The following TMEM63A variants were observed in gnomAD, a reference collection of about 807,000 sequenced individuals.
The protein encoded by TMEM63A is mechanosensitive cation channel TMEM63A.
Under a neutral mutation model 100.6 loss-of-function variants are expected in TMEM63A, and 76 were observed. The observed-to-expected ratio is 0.76, with a 90% CI of 0.63 to 0.91. The LOEUF (loss-of-function observed/expected upper bound fraction) is 0.91. Among genes scored for constraint, TMEM63A ranks in the 40% least tolerant of loss-of-function variants. TMEM63A has a pLI of 0.00. For missense variants in TMEM63A, 876 were observed against 1,008.8 expected, an observed-to-expected ratio of 0.87 and a Z score of 1.78; for synonymous variants, 401 against 401.1, an observed-to-expected ratio of 1.00 and a Z score of 0.00.
At chr1:225,843,356 G>C (rs1311043444), downstream of TMEM63A, among the ~76,000 whole-genome samples, 1 of 152,190 alleles carries the variant, frequency 6.6e-6, no homozygotes, top group Non-Finnish European at 1.5e-5. Flanking sequence ...AGGGTGCTTG[G>C]AAAGGGTGGC....
In TMEM63A at chr1:225,867,830, C is replaced by A. The variant is rs1270296657; in HGVS notation, c.514+58G>T. On this transcript the variant is annotated intron_variant, in intron 7 of 24. Coordinates refer to ENST00000366835, the MANE Select transcript of TMEM63A (RefSeq NM_014698.3). This position sits in a 1 kb window ranked among gnomAD's most constrained non-coding sequence, Gnocchi z 4.6. ...TCTGGTCTACCACAGTGAGCCCTTT[C>A]CCTAGGACTGCCACTCTGCCCCATT... The A allele has an allele frequency of 6.2e-7, 1 of 1,607,108 alleles. No homozygotes were observed. The highest frequency in any genetic ancestry group is 8.5e-7 in the Non-Finnish European group (1 of 1,176,202).
intron 2 of TMEM63A, among the ~76,000 whole-genome samples, chr1:225,878,490 G>C (rs1670924084): frequency 6.6e-6 from 1 of 152,150 alleles, no homozygotes; most frequent in Non-Finnish European, 1.5e-5. Flanking sequence ...TCCAGGCTGG[G>C]TTGTTGACCT....
At position 225,856,938 on chromosome 1, in the gene TMEM63A, G is replaced by C. The variant is rs1168141825; in HGVS notation, c.1457C>G (p.Ser486Cys). 6.2e-7 allele frequency: 1 copy of C among 1,609,062 alleles called. No individual in the cohort carries two copies. Among genetic ancestry groups the C allele is most frequent in the Non-Finnish European group, 8.5e-7 (1 of 1,178,668 alleles). Residue 486 changes from serine to cysteine, a missense_variant, in exon 16 of 25, where the codon TCT becomes TGT. Physicochemically the swap from Ser to Cys is moderately radical, Grantham distance 112. Transcript: ENST00000366835. ...GGTCCAGTGAGACTCCAGCAGTGTAGAGTAGTAGACAATGGAGGGGAGCAG... is the reference window on the plus strand; with the variant it reads ...GGTCCAGTGAGACTCCAGCAGTGTACAGTAGTAGACAATGGAGGGGAGCAG... ...SALLPSIVYY[S>C]TLLESHWTKS...
At chr1:225,856,506 C>T (rs934627447) in intron 17 of TMEM63A, 146 bp downstream of exon 17, 5 of 700,896 alleles carry the variant, frequency 7.1e-6, no homozygotes, top group Non-Finnish European at 1.2e-5. Context: ...AATGACCCAG[C>T]CCTACTGCAC....
Position 225,846,932 on chromosome 1 carries a change from C to T in TMEM63A, c.*7G>A. 7.4e-7 allele frequency: 1 copy of T among 1,358,004 alleles called. No homozygotes were observed. The highest frequency in any genetic ancestry group is 9.8e-7 in the Non-Finnish European group (1 of 1,019,704). 84.1% of individuals were successfully genotyped at this position (1,358,004 alleles called of 1,614,324 possible). ...GTTGTGTCTTTTCAGAGCAGTGAGA[C>T]CTAAAACAGATGGGAAGAAGTCATG... On this transcript the variant is annotated splice_region_variant and 3_prime_UTR_variant, in exon 25 of 25. Transcript: ENST00000366835.
Position 225,865,821 on chromosome 1 carries a change from G to T in TMEM63A, c.746+76C>A. 6.7e-7 allele frequency: 1 copy of T among 1,496,610 alleles called. No homozygotes were observed. Among genetic ancestry groups the T allele is most frequent in the Non-Finnish European group, 9.2e-7 (1 of 1,085,084 alleles). 92.7% of individuals were successfully genotyped at this position (1,496,610 alleles called of 1,614,324 possible). On this transcript the variant is annotated intron_variant, in intron 10 of 24. Coordinates refer to ENST00000366835, the MANE Select transcript of TMEM63A (RefSeq NM_014698.3). This position sits in a 1 kb window ranked among gnomAD's most constrained non-coding sequence, Gnocchi z 4.6. ...GAGAGACAGAAGGCGCTCACCTAAG[G>T]TGCTCGCCCTGCGGGTGGGGCTGTG...
chr1:225,855,354 A>G (rs1217552245), intron 18 of TMEM63A, among the ~76,000 whole-genome samples: 1 of 152,222 alleles, frequency 6.6e-6, no homozygotes, highest in Non-Finnish European at 1.5e-5. Flanking sequence ...AGATACAGTG[A>G]GAAAAAGATG....
Position 225,853,195 on chromosome 1 carries a change from C to T in TMEM63A, c.1798-426G>A, listed in dbSNP as rs1283429006. On this transcript the variant is annotated intron_variant, in intron 19 of 24. Coordinates refer to ENST00000366835, the MANE Select transcript of TMEM63A (RefSeq NM_014698.3). The surrounding 1 kb of genome is among the most constrained non-coding windows in gnomAD (Gnocchi z 4.0). ...AATGCAGCACTTCTCCCACTTTCCT[C>T]GCACAGTGCCCACCATGGCAGAGGA... 2.6e-5 allele frequency among the ~76,000 whole-genome samples: 4 copies of T among 152,204 alleles called. No individual in the cohort carries two copies. The highest frequency in any genetic ancestry group is 4.8e-5 in the African/African-American group (2 of 41,450).
In TMEM63A at chr1:225,862,644, CACAGTTCAACCA is replaced by C; in HGVS notation, c.828-78_828-67del. On this transcript the variant is annotated intron_variant, in intron 11 of 24. Coordinates refer to ENST00000366835, the MANE Select transcript of TMEM63A (RefSeq NM_014698.3). The surrounding 1 kb of genome is among the most constrained non-coding windows in gnomAD (Gnocchi z 5.1). ...ATCCTGTGGCAGGGACCCCCATACC[CACAGTTCAACCA>C]TCGAACGCCAGGGGAGAAGGAGGGG... The C allele has an allele frequency of 2.5e-6, 4 of 1,601,952 alleles. No individual in the cohort carries two copies. The highest frequency in any genetic ancestry group is 3.4e-6 in the Non-Finnish European group (4 of 1,172,476).
In TMEM63A at chr1:225,872,026, C is replaced by T. The variant is rs775839943; in HGVS notation, c.294G>A (p.Ser98=). 4.3e-6 allele frequency: 7 copies of T among 1,611,504 alleles called. No individual in the cohort carries two copies. The highest frequency in any genetic ancestry group is 2.7e-5 in the African/African-American group (2 of 74,254). The part of the protein sequence containing the change: ...DSESRFQRLS[S]TSSSGQQDFE... ...AGTCTTGTTGACCTGAGGAGGAAGT[C>T]GATGACAATCTCTGAAATCTGGACT... The change falls in exon 5 of 25, where the codon TCG becomes TCA. Residue 98 remains serine, a synonymous_variant. Transcript: ENST00000366835.
chr1:225,843,820 T>C (rs78825964), downstream of TMEM63A, among the ~76,000 whole-genome samples: 9,206 of 152,276 alleles, frequency 0.06, 361 homozygotes, highest in African/African-American at 0.11. Flanking sequence ...ACAGAGGTGA[T>C]GTGTATACTG....
intron 3 of TMEM63A, among the ~76,000 whole-genome samples, chr1:225,875,657 C>T (rs534439922): frequency 4.1e-4 from 63 of 152,286 alleles, no homozygotes; most frequent in Non-Finnish European, 5.9e-4. Flanking sequence ...CTGTCCACAG[C>T]GGCTGCCGCC....
chr1:225,867,614 A>G lies in TMEM63A; in HGVS notation c.514+274T>C, dbSNP rs1178142390. Reference sequence around the variant, plus strand: ...CTAATTTGGGTGAGGGCAGGAAAGTATAAAAGACTCTCTGATAGCCCCTGA... The same window carrying G: ...CTAATTTGGGTGAGGGCAGGAAAGTGTAAAAGACTCTCTGATAGCCCCTGA... On this transcript the variant is annotated intron_variant, in intron 7 of 24. Transcript: ENST00000366835. This position sits in a 1 kb window ranked among gnomAD's most constrained non-coding sequence, Gnocchi z 4.6. Among the ~76,000 whole-genome samples, 2 of 152,204 alleles carry G rather than the reference A, an allele frequency of 1.3e-5. No individual in the cohort carries two copies. Among genetic ancestry groups the G allele is most frequent in the South Asian group, 2.1e-4 (1 of 4,826 alleles).
intron 24 of TMEM63A, 34 bp from the exon 25 acceptor site, chr1:225,846,966 A>AGTC (rs1669023937): frequency 2.0e-6 from 3 of 1,494,562 alleles, no homozygotes; most frequent in Non-Finnish European, 2.7e-6. Flanking sequence ...TGAACTTGGG[A>AGTC]GTCAGGCCGC....
intron 17 of TMEM63A, 69 bp downstream of exon 17, chr1:225,856,583 C>A (rs1669626819): frequency 2.0e-6 from 3 of 1,532,454 alleles, no homozygotes; most frequent in African/African-American, 2.8e-5. Context: ...CGTTTGCATT[C>A]TCCTGGGGAC....
chr1:225,861,980 G>A, intron 13 of TMEM63A: 1 of 615,794 alleles, frequency 1.6e-6, no homozygotes, highest in Non-Finnish European at 2.8e-6. Flanking sequence ...AGCTCGAGGG[G>A]GTCAGCCAGA....
chr1:225,869,096 G>T (rs1048093071), intron 6 of TMEM63A, among the ~76,000 whole-genome samples: 6 of 152,212 alleles, frequency 3.9e-5, no homozygotes, highest in African/African-American at 1.4e-4. Flanking sequence ...ATGTCAGCGT[G>T]GGCTTTGCAG....
rs115452233 is a variant in TMEM63A, at chr1:225,862,351, C to T, written c.952G>A (p.Glu318Lys). 1.2e-6 allele frequency: 2 copies of T among 1,614,204 alleles called. No homozygotes were observed. The highest frequency in any genetic ancestry group is 2.2e-5 in the East Asian group (1 of 44,874). Residue 318 changes from glutamate to lysine, a missense_variant and splice_region_variant, in exon 13 of 25, where the codon GAA becomes AAA. Around this residue, in one of 5 missense-constraint regions of TMEM63A, gnomAD observed 487 missense variants for 581.9 expected, o/e 0.84. Transcript: ENST00000366835. This position sits in a 1 kb window ranked among gnomAD's most constrained non-coding sequence, Gnocchi z 5.1. ...CCCEVLGCEW[E>K]DAISYYTRMK... ...CGTGTGTAGTAAGAGATGGCGTCTTCCTGCCACAAGACACATCCCATTGGG... is the reference window on the plus strand; with the variant it reads ...CGTGTGTAGTAAGAGATGGCGTCTTTCTGCCACAAGACACATCCCATTGGG...
intron 20 of TMEM63A, 82 bp downstream of exon 20, chr1:225,852,582 G>C: frequency 7.3e-7 from 1 of 1,361,652 alleles, no homozygotes; most frequent in South Asian, 1.2e-5. Context: ...TTGTGCCCTG[G>C]TGATAGCTGT....
Sources: allele counts gnomAD v4.1 joint callset (sites outside exome capture counted in the v4.1 genomes callset), GRCh38; gene constraint gnomAD v4.1.1; regional missense constraint gnomAD v4.1.1; non-coding constraint Gnocchi (gnomAD v3.1); transcripts MANE v1.5; gene names NCBI Gene and HGNC (gene_info 2026-07-23, HGNC 2026-07-21).